ARHGAP35: variants seen among roughly 807,000 people sequenced by gnomAD.
The protein encoded by ARHGAP35 is Rho GTPase activating protein 35.
A neutral mutation model predicts 111.1 loss-of-function variants in ARHGAP35; 15 were observed. That is an observed-to-expected ratio of 0.13 (90% confidence interval 0.09 to 0.21). ARHGAP35 has a LOEUF of 0.21. ARHGAP35 is among the 10% of genes least tolerant of loss of function. ARHGAP35 has a pLI of 1.00. For synonymous variants in ARHGAP35, 643 were observed against 710.3 expected (o/e 0.91, Z 1.51); for missense variants, 1,262 against 1,873.0 (o/e 0.67, Z 6.02).
At chr19:46,899,017 T>A (rs422867) in intron 1 of ARHGAP35, among the ~76,000 whole-genome samples, 20 of 152,336 alleles carry the variant, frequency 1.3e-4, no homozygotes, top group African/African-American at 4.6e-4. Context: ...TTTGAAAACC[T>A]AACTGTGGAA....
rs1308284893 is a variant in ARHGAP35 at position 46,945,425 on chromosome 19, G to A, written c.3826+8017G>A. ...AGTGTACCTCTCTGGAATGGGGCAA[G>A]AGGTTACTTTTAGAGCTGGCTCACA... On this transcript the variant is annotated intron_variant, in intron 3 of 6. Coordinates refer to ENST00000672722, the MANE Select transcript of ARHGAP35 (RefSeq NM_004491.5). This position sits in a 1 kb window ranked among gnomAD's most constrained non-coding sequence, Gnocchi z 4.1. Among the ~76,000 whole-genome samples, 1 of 152,142 alleles carries A rather than the reference G, an allele frequency of 6.6e-6. No individual in the cohort carries two copies. The highest frequency in any genetic ancestry group is 1.9e-4 in the East Asian group (1 of 5,194).
At chr19:46,990,005 C>G (rs1046354840) in intron 5 of ARHGAP35, among the ~76,000 whole-genome samples, 1 of 152,206 alleles carries the variant, frequency 6.6e-6, no homozygotes, top group Non-Finnish European at 1.5e-5. Context: ...GCCGTTGTTA[C>G]CATCCCTACT....
rs530053166 is a variant in ARHGAP35, at chr19:46,994,484, G to A, written c.4036+4809G>A. Among the ~76,000 whole-genome samples the A allele has an allele frequency of 1.3e-5, 2 of 152,248 alleles. No individual in the cohort carries two copies. The highest frequency in any genetic ancestry group is 2.4e-5 in the African/African-American group (1 of 41,544). On this transcript the variant is annotated intron_variant, in intron 5 of 6. Transcript: ENST00000672722. This position sits in a 1 kb window ranked among gnomAD's most constrained non-coding sequence, Gnocchi z 5.4. ...CCCCAGGCCTCTGGCTTGGAGCCTC[G>A]GGAGTCTGTGCTTGACCACACCCAG...
chr19:46,896,561 G>T (rs1156905089), intron 1 of ARHGAP35, among the ~76,000 whole-genome samples: 1 of 152,230 alleles, frequency 6.6e-6, no homozygotes, highest in East Asian at 1.9e-4. Context: ...TGTAGCTTCT[G>T]TTTTCTCCAG....
chr19:46,967,213 G>T (rs79980776), intron 3 of ARHGAP35, among the ~76,000 whole-genome samples: 1 of 152,032 alleles, frequency 6.6e-6, no homozygotes, highest in African/African-American at 2.4e-5. Flanking sequence ...CAGCCTTAAG[G>T]TTCAGTTTAA....
At chr19:46,873,989 C>A (rs1450283331) in intron 1 of ARHGAP35, among the ~76,000 whole-genome samples, 2 of 151,972 alleles carry the variant, frequency 1.3e-5, no homozygotes, top group South Asian at 2.1e-4. Flanking sequence ...CTCAGGTGAT[C>A]TGCCCGCTTC....
intron 5 of ARHGAP35, among the ~76,000 whole-genome samples, chr19:46,996,923 C>T (rs987988612): frequency 6.6e-6 from 1 of 152,032 alleles, no homozygotes; most frequent in Non-Finnish European, 1.5e-5. Context: ...TTTGGGAGGC[C>T]GAGGCGGGTG....
intron 3 of ARHGAP35, among the ~76,000 whole-genome samples, chr19:46,979,204 A>G (rs1305200010): frequency 6.6e-6 from 1 of 152,020 alleles, no homozygotes; most frequent in Non-Finnish European, 1.5e-5. Flanking sequence ...CAGTGGTGGC[A>G]CCAGCTCTCC....
intron 5 of ARHGAP35, among the ~76,000 whole-genome samples, chr19:46,998,318 G>A (rs188054988): frequency 3.4e-4 from 52 of 152,242 alleles, no homozygotes; most frequent in Admixed American, 2.0e-3. Context: ...CTGTGAGGTC[G>A]CTGCCATCTC....
At chr19:46,927,136 G>A (rs2056243126) in intron 2 of ARHGAP35, among the ~76,000 whole-genome samples, 1 of 152,168 alleles carries the variant, frequency 6.6e-6, no homozygotes, top group African/African-American at 2.4e-5. Context: ...TGGAAAAATT[G>A]TGTCTTTTAA....
At chr19:46,946,357 A>G (rs2056379551) in intron 3 of ARHGAP35, among the ~76,000 whole-genome samples, 1 of 152,164 alleles carries the variant, frequency 6.6e-6, no homozygotes, top group Admixed American at 6.5e-5. Flanking sequence ...CAGTGTCAGT[A>G]AAGTTCAGGG....
chr19:46,906,932 T>A (rs543985946), intron 1 of ARHGAP35, among the ~76,000 whole-genome samples: 104 of 152,014 alleles, frequency 6.8e-4, no homozygotes, highest in African/African-American at 2.5e-3. Context: ...CTACAAAAAA[T>A]ACAGAAGTTA....
At chr19:46,892,871 A>G (rs553179710) in intron 1 of ARHGAP35, among the ~76,000 whole-genome samples, 1 of 152,186 alleles carries the variant, frequency 6.6e-6, no homozygotes, top group East Asian at 1.9e-4. Context: ...TTGTATGTTC[A>G]TGAGGTCCCT....
Position 47,003,459 on chromosome 19 carries a change from A to G in ARHGAP35, c.*2771A>G, listed in dbSNP as rs1197997653. On this transcript the variant is annotated 3_prime_UTR_variant, in exon 7 of 7. Coordinates refer to ENST00000672722, the MANE Select transcript of ARHGAP35 (RefSeq NM_004491.5). ...GGACAGCAGCCCTTGGTGCAAAGCC[A>G]GAGACTGATCCTGGCTCTGACGGCT... is the stretch of plus-strand genomic sequence containing the variant. 1 of 152,306 alleles carries G rather than the reference A, an allele frequency of 6.6e-6. No homozygotes were observed. The highest frequency in any genetic ancestry group is 2.4e-5 in the African/African-American group (1 of 41,464). 9.4% of individuals were successfully genotyped at this position (152,306 alleles called of 1,614,324 possible). A position where few individuals can be genotyped will look rare whatever the true frequency, so the allele number is the denominator to read the frequency against.
At chr19:46,930,721 C>G (rs926361524) in intron 2 of ARHGAP35, among the ~76,000 whole-genome samples, 85 of 151,594 alleles carry the variant, frequency 5.6e-4, no homozygotes, top group African/African-American at 2.0e-3. Flanking sequence ...CCCTGCTGTT[C>G]CCACAGAAGA....
At chr19:46,861,583 G>T (rs945346406) in intron 1 of ARHGAP35, among the ~76,000 whole-genome samples, 2 of 148,288 alleles carry the variant, frequency 1.3e-5, no homozygotes, top group Admixed American at 1.4e-4. Flanking sequence ...AATGCCCTTC[G>T]CTCCTCCCGG....
In ARHGAP35 at chr19:46,878,960, T is replaced by C. The variant is rs144165103; in HGVS notation, c.-189+17751T>C. 3.5e-4 allele frequency among the ~76,000 whole-genome samples: 53 copies of C among 152,360 alleles called. No homozygotes were observed. In the East Asian group the frequency reaches 0.01, roughly 29 times the overall value. On this transcript the variant is annotated intron_variant, in intron 1 of 6. Transcript: ENST00000672722. ...TGAAGTTTGCTACATTCATTGATTC[T>C]TCCTTTCGTGAAAGATTTCTGTATA...
At chr19:46,889,527 T>C (rs1218567107) in intron 1 of ARHGAP35, among the ~76,000 whole-genome samples, 1 of 152,054 alleles carries the variant, frequency 6.6e-6, no homozygotes, top group Non-Finnish European at 1.5e-5. Context: ...TTATATAAAA[T>C]GTGCACCGCC....
intron 3 of ARHGAP35, among the ~76,000 whole-genome samples, chr19:46,976,613 G>T (rs1823409649): frequency 2.0e-5 from 3 of 152,272 alleles, no homozygotes; most frequent in Admixed American, 2.0e-4. Flanking sequence ...CCTTCTCCAT[G>T]GTGGGGAGCT....
Sources: gnomAD v4.1 joint callset for allele counts (sites outside exome capture counted in the v4.1 genomes callset) on GRCh38, gnomAD v4.1.1 for gene constraint, Gnocchi (gnomAD v3.1) non-coding constraint, MANE v1.5 for transcripts, NCBI Gene and HGNC (gene_info 2026-07-23, HGNC 2026-07-21) for gene names.